The following INPP4B variants were observed in gnomAD, a reference collection of about 807,000 sequenced individuals.
INPP4B encodes inositol polyphosphate-4-phosphatase type II B.
Under a neutral mutation model 122.5 loss-of-function variants are expected in INPP4B, and 55 were observed. The ratio of observed to expected loss-of-function variants is 0.45; its 90% CI spans 0.36 to 0.56. The LOEUF is 0.56. Ranked by LOEUF, INPP4B falls within the 20% of genes least tolerant of loss-of-function variation. INPP4B has a pLI of 0.00. For missense variants in INPP4B, 1,000 were observed against 1,097.7 expected (o/e 0.91, Z 1.26); for synonymous variants, 403 against 388.7 (o/e 1.04, Z -0.43).
At chr4:142,404,791 A>G (rs1032717536) in intron 6 of INPP4B, among the ~76,000 whole-genome samples, 1 of 152,136 alleles carries the variant, frequency 6.6e-6, no homozygotes, top group African/African-American at 2.4e-5. Flanking sequence ...TTCTCTGGGT[A>G]CTGTACAACT....
At chr4:142,717,866 G>A (rs1463331162) in intron 2 of INPP4B, among the ~76,000 whole-genome samples, 14 of 138,430 alleles carry the variant, frequency 1.0e-4, no homozygotes, top group African/African-American at 3.3e-4. Context: ...TTGTGCACAT[G>A]TACCTTAGAA....
intron 14 of INPP4B, 106 bp from the exon 15 acceptor site, chr4:142,193,301 GT>G: frequency 3.1e-6 from 2 of 647,050 alleles, no homozygotes; most frequent in South Asian, 4.7e-5. Context: ...AAATTATTCT[GT>G]TTAATTTTTT....
chr4:142,064,257 T>G (rs1762400654), intron 25 of INPP4B, among the ~76,000 whole-genome samples: 1 of 152,326 alleles, frequency 6.6e-6, no homozygotes, highest in East Asian at 1.9e-4. Context: ...ACATGATACA[T>G]TAGCAGCTTT....
At chr4:142,517,069 A>G (rs1019783829) in intron 2 of INPP4B, among the ~76,000 whole-genome samples, 1 of 150,620 alleles carries the variant, frequency 6.6e-6, no homozygotes, top group Admixed American at 6.7e-5. Context: ...TTTGCATATG[A>G]CTAGACAAAA....
intron 14 of INPP4B, among the ~76,000 whole-genome samples, chr4:142,205,958 A>G (rs1842429951): frequency 1.3e-5 from 2 of 152,146 alleles, no homozygotes; most frequent in South Asian, 4.1e-4. Context: ...TTGTGCTGCT[A>G]TAACATAATA....
chr4:142,782,779 A>G (rs1461568481), intron 1 of INPP4B, among the ~76,000 whole-genome samples: 1 of 152,190 alleles, frequency 6.6e-6, no homozygotes, highest in Non-Finnish European at 1.5e-5. Flanking sequence ...ACAAGGCTAC[A>G]GTAACCAAAA....
At chr4:142,732,739 T>A (rs1034976398) in intron 1 of INPP4B, among the ~76,000 whole-genome samples, 3 of 152,120 alleles carry the variant, frequency 2.0e-5, no homozygotes, top group Non-Finnish European at 2.9e-5. Context: ...AGACTCAATA[T>A]TATAAGGATG....
At chr4:142,521,938 A>T (rs548875281) in intron 2 of INPP4B, among the ~76,000 whole-genome samples, 4 of 152,210 alleles carry the variant, frequency 2.6e-5, no homozygotes, top group Non-Finnish European at 4.4e-5. Flanking sequence ...GTATTGAGAA[A>T]TAATTTAAAA....
intron 25 of INPP4B, among the ~76,000 whole-genome samples, chr4:142,050,568 A>G (rs2152388705): frequency 6.6e-6 from 1 of 152,168 alleles, no homozygotes; most frequent in East Asian, 1.9e-4. Flanking sequence ...ATACAGGCTT[A>G]TAATGTAGTG....
intron 7 of INPP4B, among the ~76,000 whole-genome samples, chr4:142,323,581 G>A (rs1159494323): frequency 1.3e-5 from 2 of 151,878 alleles, no homozygotes; most frequent in African/African-American, 4.8e-5. Flanking sequence ...CAGTAGCTGG[G>A]ACTACAGGCA....
At chr4:142,576,624 A>G (rs1482187446) in intron 2 of INPP4B, among the ~76,000 whole-genome samples, 5 of 152,018 alleles carry the variant, frequency 3.3e-5, no homozygotes, top group Admixed American at 6.6e-5. Flanking sequence ...GAAAAAAAGC[A>G]CCAGTCATTT....
intron 23 of INPP4B, 142 bp from the exon 24 acceptor site, chr4:142,086,398 T>G: frequency 1.6e-6 from 1 of 608,406 alleles, no homozygotes; most frequent in East Asian, 2.8e-5. Context: ...CAGGCTGGAG[T>G]GCCAATGGGG....
intron 2 of INPP4B, among the ~76,000 whole-genome samples, chr4:142,499,338 C>G (rs1434401680): frequency 6.6e-6 from 1 of 151,846 alleles, no homozygotes; most frequent in Non-Finnish European, 1.5e-5. Context: ...ATGATAATAA[C>G]CAAATATCTG....
chr4:142,170,986 CA>C (rs1187090615), intron 16 of INPP4B, among the ~76,000 whole-genome samples: 2 of 151,836 alleles, frequency 1.3e-5, no homozygotes, highest in African/African-American at 4.8e-5. Flanking sequence ...TTTGGATCTA[CA>C]AATATTGCCT....
chr4:142,338,117 T>A (rs1002993218), intron 7 of INPP4B, among the ~76,000 whole-genome samples: 1 of 152,190 alleles, frequency 6.6e-6, no homozygotes, highest in African/African-American at 2.4e-5. Flanking sequence ...TGTCTGAAAC[T>A]TTCCCTTACA....
intron 3 of INPP4B, among the ~76,000 whole-genome samples, chr4:142,461,813 A>T (rs1469701227): frequency 6.6e-6 from 1 of 152,050 alleles, no homozygotes; most frequent in Non-Finnish European, 1.5e-5. Context: ...ACAAACACAC[A>T]CACACACACA....
At chr4:142,501,685 G>A (rs570972647) in intron 2 of INPP4B, among the ~76,000 whole-genome samples, 113 of 152,116 alleles carry the variant, frequency 7.4e-4, no homozygotes, top group African/African-American at 2.7e-3. Context: ...TTTTCTTGAG[G>A]TGAAGAAAAA....
At chr4:142,491,760 C>A (rs1391127235) in intron 2 of INPP4B, among the ~76,000 whole-genome samples, 2 of 152,134 alleles carry the variant, frequency 1.3e-5, no homozygotes, top group African/African-American at 4.8e-5. Flanking sequence ...TCACTAGTTG[C>A]TAGGGCAATG....
chr4:142,180,946 A>G (rs1463311625), intron 15 of INPP4B, among the ~76,000 whole-genome samples: 1 of 152,204 alleles, frequency 6.6e-6, no homozygotes, highest in Non-Finnish European at 1.5e-5. Flanking sequence ...TTTTCAACAA[A>G]TATTTAATAA....
Sources: gnomAD v4.1 joint callset for allele counts (sites outside exome capture counted in the v4.1 genomes callset) on GRCh38, gnomAD v4.1.1 for gene constraint, MANE v1.5 for transcripts, NCBI Gene and HGNC (gene_info 2026-07-23, HGNC 2026-07-21) for gene names.